ZNF185: variants seen among roughly 807,000 people sequenced by gnomAD.
ZNF185 encodes zinc finger protein 185 with LIM domain.
A neutral mutation model predicts 58.6 loss-of-function variants in ZNF185; 56 were observed. The observed-to-expected ratio is 0.95, with a 90% confidence interval of 0.77 to 1.19. ZNF185 has a LOEUF of 1.19. ZNF185 is among the 50% of genes most tolerant of loss of function. The probability of loss-of-function intolerance (pLI) is 0.00; values close to 1 mark genes in which losing one functional copy is unlikely to be tolerated. For missense variants in ZNF185, 627 were observed against 573.5 expected (o/e 1.09, Z -0.95); for synonymous variants, 230 against 215.9 (o/e 1.07, Z -0.57).
At chrX:152,952,345 T>C (rs1457707293) in intron 16 of ZNF185, among the ~76,000 whole-genome samples, 2 of 112,590 alleles carry the variant, frequency 1.8e-5, no homozygotes, top group Non-Finnish European at 3.8e-5. Context: ...TATTAGAAGT[T>C]GTTTCCTTAA....
At chrX:152,932,070 C>G (rs1603243560) in intron 13 of ZNF185, among the ~76,000 whole-genome samples, 1 of 112,617 alleles carries the variant, frequency 8.9e-6, no homozygotes. Context: ...ATCCCCAGCT[C>G]CTGGCCTGTG....
intron 17 of ZNF185, 77 bp from the exon 20 acceptor site, chrX:152,963,762 C>G (rs1167507579): frequency 1.1e-6 from 1 of 925,002 alleles, no homozygotes; most frequent in Non-Finnish European, 1.5e-6. Context: ...AAGGGTTAGG[C>G]TCAGAAAAGC....
At chrX:152,918,245 A>T in intron 6 of ZNF185, 91 bp downstream of exon 7, 1 of 1,040,700 alleles carries the variant, frequency 9.6e-7, no homozygotes, top group Non-Finnish European at 1.3e-6. Flanking sequence ...ACTACTTGCC[A>T]CCGAGCACAG....
At chrX:152,969,536 T>G (rs782044555) in intron 21 of ZNF185, 52 bp downstream of exon 23, 1 of 997,367 alleles carries the variant, frequency 1.0e-6, no homozygotes, top group African/African-American at 1.9e-5. Context: ...CCTGATCACG[T>G]GCTGCTAAGA....
intron 15 of ZNF185, among the ~76,000 whole-genome samples, chrX:152,944,379 T>C (rs1343616745): frequency 8.9e-6 from 1 of 112,231 alleles, no homozygotes; most frequent in Non-Finnish European, 1.9e-5. Context: ...GTTGGGAAGG[T>C]TATATTCAGA....
chrX:152,962,521 A>G (rs2049622026), intron 17 of ZNF185, among the ~76,000 whole-genome samples: 1 of 111,936 alleles, frequency 8.9e-6, no homozygotes, highest in African/African-American at 3.3e-5. Flanking sequence ...CCTTCCTCTT[A>G]GAATCAATCC....
At chrX:152,947,334 G>A (rs1569511212) in intron 16 of ZNF185, among the ~76,000 whole-genome samples, 1 of 111,553 alleles carries the variant, frequency 9.0e-6, no homozygotes, top group African/African-American at 3.3e-5. Context: ...AGGGAGCCAT[G>A]TTCCTGCCAC....
At chrX:152,941,100 A>G (rs782605141) in intron 15 of ZNF185, among the ~76,000 whole-genome samples, 1 of 112,262 alleles carries the variant, frequency 8.9e-6, no homozygotes, top group East Asian at 2.8e-4. Context: ...AACTTCCCGA[A>G]GTCCCAGGTA....
At chrX:152,902,216 C>A in the ZNF185 span, among the ~76,000 whole-genome samples, 1 of 112,915 alleles carries the variant, frequency 8.9e-6, no homozygotes, top group African/African-American at 3.2e-5. Flanking sequence ...GCCTCTGGGG[C>A]CAGTGGGCAA....
intron 19 of ZNF185, 57 bp downstream of exon 21, chrX:152,965,584 C>G: frequency 2.0e-6 from 2 of 1,000,991 alleles, no homozygotes; most frequent in Non-Finnish European, 2.8e-6. Context: ...CTCCCATATT[C>G]TCATCCCTGC....
intron 14 of ZNF185, 65 bp from the exon 17 acceptor site, chrX:152,938,009 G>C (rs1216253118): frequency 4.7e-6 from 5 of 1,059,672 alleles, no homozygotes; most frequent in Non-Finnish European, 6.4e-6. Context: ...AGCCTGGAGG[G>C]GGAAGACCTG....
the ZNF185 span, among the ~76,000 whole-genome samples, chrX:152,903,187 G>A: frequency 2.7e-5 from 3 of 109,095 alleles, no homozygotes; most frequent in Admixed American, 9.8e-5. Context: ...TCAGGAGTTC[G>A]AGACCAGCCT....
At chrX:152,948,217 G>A (rs2047968371) in intron 16 of ZNF185, among the ~76,000 whole-genome samples, 1 of 111,597 alleles carries the variant, frequency 9.0e-6, no homozygotes, top group South Asian at 3.8e-4. Context: ...CTTGAGGGGA[G>A]TAGGTTGGGG....
intron 14 of ZNF185, 124 bp from the exon 16 acceptor site, chrX:152,936,294 G>A (rs985382967): frequency 1.4e-4 from 72 of 525,896 alleles, no homozygotes; most frequent in Admixed American, 3.6e-4. Context: ...TGTTCCTCAA[G>A]CATCCATTTG....
intron 5 of ZNF185, chrX:152,917,835 G>A: frequency 9.3e-7 from 1 of 1,069,870 alleles, no homozygotes. Flanking sequence ...GAAACAGGAA[G>A]CAAAGACACA....
chrX:152,914,877 C>T (rs782758181), intron 2 of ZNF185, 44 bp downstream of exon 3: 11 of 1,156,403 alleles, frequency 9.5e-6, no homozygotes, highest in East Asian at 6.4e-5. Context: ...CGTGGGGGCG[C>T]GCAATCCGTG....
chrX:152,946,682 G>C lies in ZNF185; in HGVS notation c.1409+1218G>C, dbSNP rs1238929451. Among the ~76,000 whole-genome samples the C allele has an allele frequency of 6.2e-5, 7 of 112,055 alleles. No individual in the cohort carries two copies. The Admixed American group carries it at 6.6e-4, about 11-fold the overall frequency. ...TTACAGGGAGAGTGATGTTGGAGCTGGGTTTGGAAGGCTGAGGGAGATTTT... is the reference window on the plus strand; with the variant it reads ...TTACAGGGAGAGTGATGTTGGAGCTCGGTTTGGAAGGCTGAGGGAGATTTT... On this transcript the variant is annotated intron_variant, in intron 16 of 22. Transcript: ENST00000449285.
At chrX:152,908,751 C>T in the ZNF185 span, among the ~76,000 whole-genome samples, 4 of 113,409 alleles carry the variant, frequency 3.5e-5, no homozygotes, top group Admixed American at 2.8e-4. Flanking sequence ...TGGGCCACTG[C>T]GTGGCTGGGA....
At chrX:152,955,500 T>A (rs1008150356) in intron 16 of ZNF185, among the ~76,000 whole-genome samples, 20 of 112,548 alleles carry the variant, frequency 1.8e-4, no homozygotes, top group Non-Finnish European at 3.6e-4. Context: ...AAAGTCTTAG[T>A]TTGATTATGT....
Sources: gnomAD v4.1 joint callset for allele counts (sites outside exome capture counted in the v4.1 genomes callset) on GRCh38, gnomAD v4.1.1 for gene constraint, MANE v1.5 for transcripts, NCBI Gene and HGNC (gene_info 2026-07-23, HGNC 2026-07-21) for gene names.